CENPV: variants seen among roughly 807,000 people sequenced by gnomAD.
CENPV encodes the protein nuclear protein p30.
A neutral mutation model predicts 26.4 loss-of-function variants in CENPV; 15 were observed. The ratio of observed to expected loss-of-function variants is 0.57; its 90% CI spans 0.38 to 0.88. The LOEUF (loss-of-function observed/expected upper bound fraction) is 0.88. Ranked by LOEUF, CENPV falls within the 40% of genes least tolerant of loss-of-function variation. The pLI, the probability that CENPV is intolerant of heterozygous loss-of-function variation, is 0.00. For synonymous variants in CENPV, 172 were observed against 165.5 expected, an observed-to-expected ratio of 1.04 and a Z score of -0.30; for missense variants, 336 against 376.5, an observed-to-expected ratio of 0.89 and a Z score of 0.89.
Position 16,344,731 on chromosome 17 carries a change from C to A in CENPV, c.580-20G>T. 7.4e-7 allele frequency: 1 copy of A among 1,353,994 alleles called. No individual in the cohort carries two copies. The highest frequency in any genetic ancestry group is 1.4e-5 in the South Asian group (1 of 72,700). 83.9% of individuals were successfully genotyped at this position (1,353,994 alleles called of 1,614,324 possible). ...AGCTCCCTAGGTGAAAACAGACAAA[C>A]GGTATTCTTTTTTACAAAGAGATTT... On this transcript the variant is annotated intron_variant, in intron 3 of 4. Coordinates refer to ENST00000299736, the MANE Select transcript of CENPV (RefSeq NM_181716.3).
chr17:16,349,348 G>C lies in CENPV; in HGVS notation c.509+583C>G, dbSNP rs1014337751. ...AATTCCGGTACCTAGGGGCAAAAAG[G>C]ACTGGATGCTGTTAAATAATTAGCT... On this transcript the variant is annotated intron_variant, in intron 2 of 4. Transcript: ENST00000299736. 21 of 985,900 alleles carry C rather than the reference G, an allele frequency of 2.1e-5. No individual in the cohort carries two copies. The Admixed American group carries it at 1.0e-3, about 49-fold the overall frequency. 61.1% of individuals were successfully genotyped at this position (985,900 alleles called of 1,614,324 possible).
chr17:16,346,279 A>G (rs2093206065), intron 3 of CENPV, among the ~76,000 whole-genome samples: 1 of 152,256 alleles, frequency 6.6e-6, no homozygotes, highest in African/African-American at 2.4e-5. Flanking sequence ...TGACATAGGT[A>G]TATAGATACT....
rs2093235537 is a variant in CENPV at position 16,353,347 on chromosome 17, AGCGGCCGCGGAGGCCGCG to A, written c.72_89del (p.Ala26_Ala31del). 3 of 1,300,578 alleles carry A rather than the reference AGCGGCCGCGGAGGCCGCG, an allele frequency of 2.3e-6. No individual in the cohort carries two copies. The highest frequency in any genetic ancestry group is 1.7e-5 in the African/African-American group (1 of 60,362). 80.6% of individuals were successfully genotyped at this position (1,300,578 alleles called of 1,614,324 possible). ...TGCGGGTGGCGCTGGGTGCCAAGGC[AGCGGCCGCGGAGGCCGCG>A]GGGGCCGCGGAGGCCCCGGACCGCT... On this transcript the variant is annotated inframe_deletion, in exon 1 of 5. Coordinates refer to ENST00000299736, the MANE Select transcript of CENPV (RefSeq NM_181716.3).
intron 2 of CENPV, chr17:16,349,003 A>C (rs1476927812): frequency 1.7e-5 from 18 of 1,051,370 alleles, no homozygotes; most frequent in Non-Finnish European, 2.1e-5. Flanking sequence ...TTAGGAAACA[A>C]ATTTCAGACA....
At chr17:16,344,562 TC>T in intron 4 of CENPV, 34 bp downstream of exon 4, 2 of 1,280,440 alleles carry the variant, frequency 1.6e-6, no homozygotes, top group Non-Finnish European at 2.2e-6. Context: ...CCTCTCTGTG[TC>T]CCCCTGAGCT....
chr17:16,349,344 A>C (rs2093220116), intron 2 of CENPV: 1 of 985,770 alleles, frequency 1.0e-6, no homozygotes, highest in Admixed American at 6.1e-5. Context: ...CTAGGGGCAA[A>C]AAGGACTGGA....
In CENPV at chr17:16,348,679, G is replaced by A; in HGVS notation, c.516C>T (p.Ser172=). 6.2e-7 allele frequency: 1 copy of A among 1,613,964 alleles called. No individual in the cohort carries two copies. The highest frequency in any genetic ancestry group is 1.6e-4 in the Middle Eastern group (1 of 6,062). Residue 172 remains serine, a synonymous_variant, in exon 3 of 5, where the codon AGC becomes AGT. Coordinates refer to ENST00000299736, the MANE Select transcript of CENPV (RefSeq NM_181716.3). ...GTCTATTCTGCTTCTTCTTGCAAAT[G>A]CTGCAACTACAGAAAGACAGAGCAA... The part of the protein sequence containing the change: ...ADLHIFDCNC[S]ICKKKQNRHF...
chr17:16,352,653 T>A (rs2093233034), intron 1 of CENPV, among the ~76,000 whole-genome samples: 1 of 151,554 alleles, frequency 6.6e-6, no homozygotes, highest in Non-Finnish European at 1.5e-5. Flanking sequence ...GAGAAAGCCG[T>A]GGGATTTATG....
At chr17:16,352,930 A>C in intron 1 of CENPV, 97 bp downstream of exon 1, 1 of 1,383,990 alleles carries the variant, frequency 7.2e-7, no homozygotes, top group Non-Finnish European at 9.3e-7. Flanking sequence ...TCAGAGCTGA[A>C]AGGCGCCCAA....
chr17:16,349,754 CATATA>C, intron 2 of CENPV, 172 bp downstream of exon 2: 1 of 1,409,470 alleles, frequency 7.1e-7, no homozygotes, highest in Non-Finnish European at 9.2e-7. Flanking sequence ...TGTGATGAGC[CATATA>C]AAAGGAACAA....
intron 1 of CENPV, chr17:16,351,680 G>A (rs1225749362): frequency 1.3e-5 from 2 of 152,070 alleles, no homozygotes; most frequent in African/African-American, 4.8e-5. Context: ...TAATTTAGTA[G>A]ACTTTATAAG....
At position 16,342,673 on chromosome 17, in the gene CENPV, A is replaced by C. The variant is rs1267415952; in HGVS notation, c.*144T>G. 2 of 902,274 alleles carry C rather than the reference A, an allele frequency of 2.2e-6. No homozygotes were observed. The highest frequency in any genetic ancestry group is 2.3e-5 in the Admixed American group (1 of 42,794). The allele number at this position is 902,274 out of a possible 1,614,324, so 55.9% of individuals were successfully genotyped here. A position where few individuals can be genotyped will look rare whatever the true frequency, so the allele number is the denominator to read the frequency against. ...GCCTAAAGAAACTGGTAGCTGGAGC[A>C]AACTGCAGAGATCAAGATGACCCTA... On this transcript the variant is annotated 3_prime_UTR_variant, in exon 5 of 5. Transcript: ENST00000299736.
In CENPV at chr17:16,345,261, CAAAAAAA is replaced by C. The variant is rs1180328905; in HGVS notation, c.580-557_580-551del. ...TGGGCAACAGAGCGAGACTCCGTCT[CAAAAAAA>C]AAAAAAAAAAAAACACCTTTGGCCA... On this transcript the variant is annotated intron_variant, in intron 3 of 4. Coordinates refer to ENST00000299736, the MANE Select transcript of CENPV (RefSeq NM_181716.3). Among the ~76,000 whole-genome samples, 67 of 45,314 alleles carry C rather than the reference CAAAAAAA, an allele frequency of 1.5e-3. 2 individuals carry two copies. The highest frequency in any genetic ancestry group is 1.8e-4 in the Non-Finnish European group (4 of 22,124). The allele number at this position is 45,314 out of a possible 152,430, so 29.7% of individuals were successfully genotyped here.
chr17:16,349,347 G>T, intron 2 of CENPV: 1 of 985,880 alleles, frequency 1.0e-6, no homozygotes, highest in Non-Finnish European at 1.2e-6. Flanking sequence ...GGGGCAAAAA[G>T]GACTGGATGC....
chr17:16,353,131 C>T lies in CENPV; in HGVS notation c.306G>A (p.Ser102=). The T allele has an allele frequency of 1.3e-6, 2 of 1,520,198 alleles. No homozygotes were observed. The highest frequency in any genetic ancestry group is 1.4e-5 in the African/African-American group (1 of 69,590). 94.2% of individuals were successfully genotyped at this position (1,520,198 alleles called of 1,614,324 possible). A position where few individuals can be genotyped will look rare whatever the true frequency, so the allele number is the denominator to read the frequency against. The stretch of plus-strand genomic sequence containing the variant: ...GCTCGCCCAGGTCCAGGTTGGACGC[C>T]GAGGACGTCGGGGTCGCGGGAGTCG... ...PPPTPATPTS[S]ASNLDLGEQR... is the part of the protein sequence containing the mutation. Residue 102 remains serine, a synonymous_variant, in exon 1 of 5, where the codon TCG becomes TCA. Transcript: ENST00000299736.
chr17:16,345,194 C>T (rs1343197344), intron 3 of CENPV, among the ~76,000 whole-genome samples: 2 of 146,974 alleles, frequency 1.4e-5, no homozygotes, highest in Admixed American at 6.9e-5. Flanking sequence ...CCTGGAAGGC[C>T]GAGCTTGCAG....
chr17:16,350,134 A>C, intron 1 of CENPV, 105 bp from the exon 2 acceptor site: 1 of 1,373,548 alleles, frequency 7.3e-7, no homozygotes, highest in Non-Finnish European at 9.9e-7. Context: ...AGTCTTTTCT[A>C]CATGACAACC....
Position 16,342,550 on chromosome 17 carries a change from A to ATATT in CENPV, c.*263_*266dup. The ATATT allele has an allele frequency of 1.8e-6, 1 of 555,676 alleles. No individual in the cohort carries two copies. Among genetic ancestry groups the ATATT allele is most frequent in the Non-Finnish European group, 3.2e-6 (1 of 312,848 alleles). 34.4% of individuals were successfully genotyped at this position (555,676 alleles called of 1,614,324 possible). ...CAAAGTGACTGCTTTAATGTTAAAA[A>ATATT]TATTTATTTTTTTTCCTAAAAGATC... On this transcript the variant is annotated 3_prime_UTR_variant, in exon 5 of 5. Transcript: ENST00000299736.
chr17:16,347,370 G>A (rs1380731988), intron 3 of CENPV, among the ~76,000 whole-genome samples: 1 of 152,082 alleles, frequency 6.6e-6, no homozygotes, highest in Non-Finnish European at 1.5e-5. Flanking sequence ...CTGCAGCACA[G>A]AAAAGCAGCG....
Sources: allele counts gnomAD v4.1 joint callset (sites outside exome capture counted in the v4.1 genomes callset), GRCh38; gene constraint gnomAD v4.1.1; transcripts MANE v1.5; gene names NCBI Gene and HGNC (gene_info 2026-07-23, HGNC 2026-07-21).